Variants in FGFR3 observed in about 807,000 individuals in gnomAD.
FGFR3 encodes fibroblast growth factor receptor 3, also known as FGFR-3.
FGFR3 carries 25 observed loss-of-function variants against 82.9 expected under a neutral mutation model. That is an observed-to-expected ratio of 0.30 (90% CI 0.22 to 0.42). The LOEUF (loss-of-function observed/expected upper bound fraction) is 0.42, where lower values mean the gene tolerates loss of function less well. FGFR3 is among the 10% of genes least tolerant of loss of function. The pLI, the probability that FGFR3 is intolerant of heterozygous loss-of-function variation, is 1.00. For missense variants in FGFR3, 1,026 were observed against 1,161.0 expected (o/e 0.88, Z 1.69); for synonymous variants, 620 against 516.0 (o/e 1.20, Z -2.73).
chr4:1,807,787 A>G lies in FGFR3; in HGVS notation c.*525A>G. ...TTTCCCACTTCCCACCCTGCCCCTC[A>G]GAGACTGAAATTACGGGTACCTGAA... On this transcript the variant is annotated 3_prime_UTR_variant, in exon 18 of 18. Transcript: ENST00000440486. 1 of 524,762 alleles carries G rather than the reference A, an allele frequency of 1.9e-6. No individual in the cohort carries two copies. Among genetic ancestry groups the G allele is most frequent in the South Asian group, 1.6e-5 (1 of 61,808 alleles). 32.5% of individuals were successfully genotyped at this position (524,762 alleles called of 1,614,324 possible). A position where few individuals can be genotyped will look rare whatever the true frequency, so the allele number is the denominator to read the frequency against.
chr4:1,802,901 C>T, intron 7 of FGFR3: 2 of 1,582,120 alleles, frequency 1.3e-6, no homozygotes, highest in Admixed American at 1.8e-5. Flanking sequence ...AGCCGGGTCT[C>T]TTGTCCCCGC....
At position 1,793,919 on chromosome 4, in the gene FGFR3, G is replaced by GGCCCCC. The variant is rs1206238538; in HGVS notation, c.-6_-1dup. On this transcript the variant is annotated 5_prime_UTR_variant, in exon 2 of 18. Transcript: ENST00000440486. Reference sequence around the variant, plus strand: ...CGCGCGCGCTGCCTGAGGACGCCGCGGCCCCCGCCCCCGCCATGGGCGCCC... The same window carrying GGCCCCC: ...CGCGCGCGCTGCCTGAGGACGCCGCGGCCCCCGCCCCCGCCCCCGCCATGGGCGCCC... 4.9e-6 allele frequency: 6 copies of GGCCCCC among 1,215,884 alleles called. No individual in the cohort carries two copies. The South Asian group carries it at 8.4e-5, about 17-fold the overall frequency. The allele number at this position is 1,215,884 out of a possible 1,614,324, so 75.3% of individuals were successfully genotyped here.
Position 1,801,883 on chromosome 4 carries a change from A to G in FGFR3, c.788A>G (p.Gln263Arg), listed in dbSNP as rs1457537911. The G allele has an allele frequency of 1.2e-6, 2 of 1,610,212 alleles. No individual in the cohort carries two copies. Among genetic ancestry groups the G allele is most frequent in the Non-Finnish European group, 1.7e-6 (2 of 1,178,472 alleles). Residue 263 changes from glutamine to arginine, a missense_variant, in exon 7 of 18, where the codon CAG (glutamine) becomes CGG (arginine). Physicochemically the swap from Gln to Arg is conservative, Grantham distance 43. Transcript: ENST00000440486. ...PILQAGLPAN[Q>R]TAVLGSDVEF... is the part of the protein sequence containing the mutation. Reference sequence around the variant, plus strand: ...CTGCAGGCGGGGCTGCCGGCCAACCAGACGGCGGTGCTGGGCAGCGACGTG... The same window carrying G: ...CTGCAGGCGGGGCTGCCGGCCAACCGGACGGCGGTGCTGGGCAGCGACGTG...
At position 1,805,837 on chromosome 4, in the gene FGFR3, CCTT is replaced by C. The variant is rs778027676; in HGVS notation, c.1735_1737del (p.Phe579del). The C allele has an allele frequency of 2.5e-6, 4 of 1,612,420 alleles. No homozygotes were observed. In the Admixed American group the frequency reaches 5.0e-5, roughly 20 times the overall value. ...CGGCGGCCCCCGGGCCTGGACTACT[CCTT>C]CGACACCTGCAAGCCGCCCGAGGAG... On this transcript the variant is annotated inframe_deletion, in exon 13 of 18. Transcript: ENST00000440486.
rs964273694 is a variant in FGFR3 at position 1,808,157 on chromosome 4, C to G, written c.*895C>G. On this transcript the variant is annotated 3_prime_UTR_variant, in exon 18 of 18. Coordinates refer to ENST00000440486, the MANE Select transcript of FGFR3 (RefSeq NM_000142.5). ...CTCTTGTTCCCACACCCCAACACTTCCAGCATTTAGCTGGCCACATGGCGG... is the reference window on the plus strand; with the variant it reads ...CTCTTGTTCCCACACCCCAACACTTGCAGCATTTAGCTGGCCACATGGCGG... The G allele has an allele frequency of 8.6e-6, 2 of 232,782 alleles. No individual in the cohort carries two copies. Among genetic ancestry groups the G allele is most frequent in the Admixed American group, 5.6e-5 (1 of 17,764 alleles). 14.4% of individuals were successfully genotyped at this position (232,782 alleles called of 1,614,324 possible).
At chr4:1,802,808 A>C in intron 7 of FGFR3, 3 of 1,383,964 alleles carry the variant, frequency 2.2e-6, no homozygotes, top group Non-Finnish European at 1.9e-6. Context: ...TTTGGGGCTG[A>C]CGCAGCCCAG....
At chr4:1,802,351 C>T (rs1267929874) in intron 7 of FGFR3, among the ~76,000 whole-genome samples, 1 of 152,192 alleles carries the variant, frequency 6.6e-6, no homozygotes, top group Non-Finnish European at 1.5e-5. Flanking sequence ...GTGGCCAAGC[C>T]CTCCAGGCCC....
intron 2 of FGFR3, among the ~76,000 whole-genome samples, chr4:1,796,873 C>G (rs1011773455): frequency 6.6e-6 from 1 of 152,162 alleles, no homozygotes; most frequent in Non-Finnish European, 1.5e-5. Context: ...GGGATTTTTA[C>G]TTTGTGCCAC....
intron 3 of FGFR3, 95 bp from the exon 4 acceptor site, chr4:1,799,652 C>T: frequency 1.9e-6 from 3 of 1,565,060 alleles, no homozygotes. Context: ...CCAGGAAGTG[C>T]TGCCCAAATG....
intron 8 of FGFR3, 69 bp from the exon 9 acceptor site, chr4:1,804,261 C>T (rs1721573015): frequency 6.6e-7 from 1 of 1,520,852 alleles, no homozygotes; most frequent in South Asian, 1.3e-5. Flanking sequence ...CGGCTCTGGG[C>T]CAGGGGCATC....
At position 1,808,179 on chromosome 4, in the gene FGFR3, G is replaced by GCGGA; in HGVS notation, c.*918_*921dup. On this transcript the variant is annotated 3_prime_UTR_variant, in exon 18 of 18. Coordinates refer to ENST00000440486, the MANE Select transcript of FGFR3 (RefSeq NM_000142.5). ...CTTCCAGCATTTAGCTGGCCACATG[G>GCGGA]CGGAGAGTTTTAATTTTTAACTTAT... The GCGGA allele has an allele frequency of 4.3e-6, 1 of 232,860 alleles. No individual in the cohort carries two copies. 14.4% of individuals were successfully genotyped at this position (232,860 alleles called of 1,614,324 possible). A position where few individuals can be genotyped will look rare whatever the true frequency, so the allele number is the denominator to read the frequency against.
Position 1,806,619 on chromosome 4 carries a change from G to C in FGFR3, c.2104G>C (p.Glu702Gln), listed in dbSNP as rs1325547001. ...GSPYPGIPVE[E>Q]LFKLLKEGHR... ...CCCGTACCCCGGCATCCCTGTGGAG[G>C]AGCTCTTCAAGCTGCTGAAGGAGGG... The change falls in exon 16 of 18, where the codon GAG (glutamate) becomes CAG (glutamine). Residue 702 changes from glutamate (E) to glutamine (Q), a missense_variant. By Grantham distance (29) the Glu-to-Gln change is conservative (BLOSUM62 2). This residue lies in a region of FGFR3 where 155 missense variants were observed against 150.2 expected (regional missense o/e 1.03). Transcript: ENST00000440486. 7 of 1,613,172 alleles carry C rather than the reference G, an allele frequency of 4.3e-6. No homozygotes were observed. The highest frequency in any genetic ancestry group is 5.9e-6 in the Non-Finnish European group (7 of 1,179,942).
At chr4:1,805,020 G>A (rs376224257) in intron 10 of FGFR3, 51 bp downstream of exon 10, 1 of 1,509,054 alleles carries the variant, frequency 6.6e-7, no homozygotes, top group East Asian at 2.5e-5. Flanking sequence ...GGTGGTGGGG[G>A]TGAAACAGCC....
chr4:1,796,272 G>A (rs1395327096), intron 2 of FGFR3, among the ~76,000 whole-genome samples: 1 of 152,138 alleles, frequency 6.6e-6, no homozygotes, highest in Non-Finnish European at 1.5e-5. Flanking sequence ...ATGGCAGGCT[G>A]TTTGAAGGAT....
In FGFR3 at chr4:1,807,107, C is replaced by T. The variant is rs201744300; in HGVS notation, c.2275-9C>T. On this transcript the variant is annotated splice_polypyrimidine_tract_variant and intron_variant, in intron 17 of 17. Transcript: ENST00000440486. ...GTGGCACAGCGCTCACCCCGCCTCC[C>T]GCCAGCAGGAGTACCTGGACCTGTC... 1.6e-5 allele frequency: 25 copies of T among 1,572,988 alleles called. No individual in the cohort carries two copies. The highest frequency in any genetic ancestry group is 7.3e-5 in the Admixed American group (4 of 54,728).
chr4:1,805,103 T>G, intron 10 of FGFR3, 134 bp downstream of exon 10: 2 of 1,376,584 alleles, frequency 1.5e-6, no homozygotes, highest in Non-Finnish European at 1.9e-6. Flanking sequence ...TGGGGTTCTG[T>G]GGAGATGCTC....
intron 9 of FGFR3, 47 bp downstream of exon 9, chr4:1,804,567 C>G (rs772157716): frequency 1.3e-6 from 2 of 1,599,912 alleles, no homozygotes; most frequent in Non-Finnish European, 1.7e-6. Context: ...CCCGCCAGGC[C>G]TCCTGGAGCC....
chr4:1,803,933 T>G, intron 8 of FGFR3, 97 bp downstream of exon 8: 1 of 1,338,612 alleles, frequency 7.5e-7, no homozygotes, highest in Non-Finnish European at 1.1e-6. Flanking sequence ...TCCTGTGACT[T>G]ACGGCCGTCC....
intron 11 of FGFR3, 41 bp from the exon 12 acceptor site, chr4:1,805,518 C>T (rs573820423): frequency 1.7e-5 from 27 of 1,611,394 alleles, no homozygotes; most frequent in South Asian, 4.4e-5. Context: ...GGGCTGGGGG[C>T]GCCGCCGCCG....
Sources: gnomAD v4.1 joint callset for allele counts (sites outside exome capture counted in the v4.1 genomes callset) on GRCh38, gnomAD v4.1.1 for gene constraint, gnomAD v4.1.1 regional missense constraint, MANE v1.5 for transcripts, NCBI Gene and HGNC (gene_info 2026-07-23, HGNC 2026-07-21) for gene names.